FRMPD4: variants seen among roughly 807,000 people sequenced by gnomAD.
The protein encoded by FRMPD4 is FERM and PDZ domain-containing protein 4.
FRMPD4 carries 22 observed loss-of-function variants against 94.1 expected under a neutral mutation model. The ratio of observed to expected loss-of-function variants is 0.23; its 90% CI spans 0.17 to 0.33. The LOEUF is 0.33. FRMPD4 is among the 10% of genes least tolerant of loss of function. FRMPD4 has a pLI of 1.00. For synonymous variants in FRMPD4, 631 were observed against 548.6 expected (o/e 1.15, Z -2.10); for missense variants, 1,111 against 1,339.9 (o/e 0.83, Z 2.67).
intron 1 of FRMPD4, among the ~76,000 whole-genome samples, chrX:12,188,787 G>A (rs2056455959): frequency 9.0e-6 from 1 of 111,539 alleles, no homozygotes; most frequent in Admixed American, 9.5e-5. Context: ...TCATGAACAA[G>A]TAACATTGGT....
In FRMPD4 at chrX:11,943,915, T is replaced by C. The variant is rs751811544; in HGVS notation, c.95+65897T>C. ...GTTCCTGAGGCTTTTAAGTCATCTA[T>C]AGCAGGGATCAGCAAACTTCTTTTC... On this transcript the variant is annotated intron_variant, in intron 3 of 18. Transcript: ENST00000640291. Among the ~76,000 whole-genome samples the C allele has an allele frequency of 3.6e-5, 4 of 111,863 alleles. No individual in the cohort carries two copies. The East Asian group carries it at 8.4e-4, about 23-fold the overall frequency.
chrX:12,105,386 G>C (rs1000537483), intron 3 of FRMPD4, among the ~76,000 whole-genome samples: 1 of 112,197 alleles, frequency 8.9e-6, no homozygotes, highest in African/African-American at 3.2e-5. Context: ...TGACATTTTT[G>C]CTGGCTGCAT....
At chrX:12,069,415 G>C (rs1389331401) in intron 3 of FRMPD4, among the ~76,000 whole-genome samples, 1 of 111,829 alleles carries the variant, frequency 8.9e-6, no homozygotes, top group Non-Finnish European at 1.9e-5. Flanking sequence ...AAGGGTGGAA[G>C]CAGAGAGAAT....
chrX:11,979,690 C>T (rs1420348827), intron 3 of FRMPD4, among the ~76,000 whole-genome samples: 1 of 110,558 alleles, frequency 9.0e-6, no homozygotes, highest in East Asian at 2.8e-4. Context: ...AATGTCTATT[C>T]ATGTCTTGTG....
chrX:12,708,423 C>G (rs2041919209), intron 13 of FRMPD4, among the ~76,000 whole-genome samples: 1 of 102,415 alleles, frequency 9.8e-6, no homozygotes, highest in Non-Finnish European at 2.0e-5. Context: ...GAGCCGAGAT[C>G]GTGCCATTGA....
At chrX:12,164,163 A>G (rs2056073585) in intron 1 of FRMPD4, among the ~76,000 whole-genome samples, 1 of 110,890 alleles carries the variant, frequency 9.0e-6, no homozygotes, top group Non-Finnish European at 1.9e-5. Flanking sequence ...CATCATTTAC[A>G]TTAGGTATAT....
intron 4 of FRMPD4, among the ~76,000 whole-genome samples, chrX:12,649,225 C>T (rs185095240): frequency 6.3e-5 from 7 of 111,825 alleles, no homozygotes; most frequent in East Asian, 5.6e-4. Flanking sequence ...ATGCAGCGTG[C>T]GTGGGGACAG....
chrX:12,161,368 A>G (rs2056023327), intron 1 of FRMPD4, among the ~76,000 whole-genome samples: 1 of 111,761 alleles, frequency 8.9e-6, no homozygotes, highest in African/African-American at 3.3e-5. Flanking sequence ...CATGTTGGCC[A>G]GGCTAGTCTC....
chrX:12,492,931 C>T (rs762169023), intron 1 of FRMPD4, among the ~76,000 whole-genome samples: 12 of 111,220 alleles, frequency 1.1e-4, no homozygotes, highest in African/African-American at 3.3e-4. Context: ...GTCTACAGCA[C>T]GAATAAATGG....
rs571045782 is a variant in FRMPD4, at chrX:12,708,338, C to T, written c.1470+687C>T. On this transcript the variant is annotated intron_variant, in intron 13 of 16. Coordinates refer to ENST00000675598, the MANE Select transcript of FRMPD4 (RefSeq NM_001368397.1). ...TACAAAAATTAGCCGGGCGTGGTGG[C>T]GTGCACCTGTAATCCCAGCTACTCA... 2.2e-4 allele frequency among the ~76,000 whole-genome samples: 24 copies of T among 109,728 alleles called. 1 individual carries two copies. The South Asian group carries it at 8.0e-3, about 36-fold the overall frequency.
At chrX:11,945,464 G>A (rs1422640691) in intron 3 of FRMPD4, among the ~76,000 whole-genome samples, 1 of 111,603 alleles carries the variant, frequency 9.0e-6, no homozygotes, top group African/African-American at 3.3e-5. Flanking sequence ...TAAAGCACAA[G>A]GAGGTTAATT....
chrX:12,680,037 T>C (rs983797565), intron 5 of FRMPD4, among the ~76,000 whole-genome samples: 2 of 112,074 alleles, frequency 1.8e-5, no homozygotes, highest in African/African-American at 3.2e-5. Context: ...TAAGTAATAC[T>C]GTACAGCTCT....
chrX:12,137,965 C>A (rs1176670471), upstream of FRMPD4, among the ~76,000 whole-genome samples: 2 of 111,865 alleles, frequency 1.8e-5, no homozygotes, highest in African/African-American at 6.5e-5. Flanking sequence ...CTCCTGGGAC[C>A]CTCCGCTCTA....
chrX:11,999,408 GCA>G (rs777584781), intron 3 of FRMPD4, among the ~76,000 whole-genome samples: 1 of 112,276 alleles, frequency 8.9e-6, no homozygotes. Context: ...TCTAGAAACA[GCA>G]CAGTCTCATA....
At chrX:11,966,221 C>T (rs1167994043) in intron 3 of FRMPD4, among the ~76,000 whole-genome samples, 1 of 111,249 alleles carries the variant, frequency 9.0e-6, no homozygotes, top group African/African-American at 3.3e-5. Flanking sequence ...ACCCTAATCC[C>T]TATTGTGGTT....
At chrX:12,271,083 C>A (rs1403607285) in intron 1 of FRMPD4, among the ~76,000 whole-genome samples, 2 of 112,005 alleles carry the variant, frequency 1.8e-5, no homozygotes, top group African/African-American at 3.2e-5. Context: ...GGTTGGAACA[C>A]GTAGTAATAT....
chrX:12,255,479 C>CA (rs1349481889), intron 1 of FRMPD4, among the ~76,000 whole-genome samples: 1 of 111,715 alleles, frequency 9.0e-6, no homozygotes, highest in Non-Finnish European at 1.9e-5. Flanking sequence ...AGTGAATTAT[C>CA]AACTGCTTTA....
chrX:11,899,513 AGATTTAAAAGATAATATAATAT>A (rs2147327894), intron 3 of FRMPD4, among the ~76,000 whole-genome samples: 1 of 111,377 alleles, frequency 9.0e-6, no homozygotes, highest in African/African-American at 3.3e-5. Context: ...AGAAGGATTA[AGATTTAAAAGATAATATAATAT>A]GAACATGTTT....
intron 1 of FRMPD4, among the ~76,000 whole-genome samples, chrX:12,464,597 C>T (rs2057429456): frequency 8.9e-6 from 1 of 111,806 alleles, no homozygotes; most frequent in Admixed American, 9.4e-5. Flanking sequence ...TAGCCACTGA[C>T]TAAGAGACAG....
Sources: gnomAD v4.1 joint callset for allele counts (sites outside exome capture counted in the v4.1 genomes callset) on GRCh38, gnomAD v4.1.1 for gene constraint, MANE v1.5 for transcripts, NCBI Gene and HGNC (gene_info 2026-07-23, HGNC 2026-07-21) for gene names.